The following CCNA1 variants were observed in gnomAD, a reference collection of about 807,000 sequenced individuals.
CCNA1 encodes the protein cyclin-A1.
A neutral mutation model predicts 54.1 loss-of-function variants in CCNA1; 23 were observed. That is an observed-to-expected ratio of 0.42 (90% CI 0.31 to 0.60). The LOEUF (loss-of-function observed/expected upper bound fraction) is 0.60. Ranked by LOEUF, CCNA1 falls within the 20% of genes least tolerant of loss-of-function variation. The pLI, the probability that CCNA1 is intolerant of heterozygous loss-of-function variation, is 0.14. For missense variants in CCNA1, 450 were observed against 556.7 expected (o/e 0.81, Z 1.93); for synonymous variants, 208 against 213.9 (o/e 0.97, Z 0.24).
Position 36,432,646 on chromosome 13 carries a change from A to G in CCNA1, c.25A>G (p.Met9Val), listed in dbSNP as rs746262330. The change falls in exon 1 of 9, where the codon ATG becomes GTG. Residue 9 changes from methionine (M) to valine (V), a missense_variant. Met to Val is a conservative substitution (Grantham distance 21). The change abolishes an upstream ATG in the 5' untranslated region. Coordinates refer to ENST00000255465, the MANE Select transcript of CCNA1 (RefSeq NM_003914.4). ...GATGGAGACCGGCTTTCCCGCAATC[A>G]TGTACCCTGGATCTTTTATTGGGGG... 35 of 1,606,128 alleles carry G rather than the reference A, an allele frequency of 2.2e-5. No individual in the cohort carries two copies. The highest frequency in any genetic ancestry group is 2.9e-5 in the Non-Finnish European group (34 of 1,176,680).
intron 2 of CCNA1, among the ~76,000 whole-genome samples, chr13:36,435,343 C>A (rs1038226289): frequency 2.6e-5 from 4 of 152,206 alleles, no homozygotes; most frequent in African/African-American, 4.8e-5. Context: ...GTGTCCATTA[C>A]TTTGAACAGA....
At chr13:36,433,425 T>TC (rs1491135867) in intron 2 of CCNA1, among the ~76,000 whole-genome samples, 6 of 126,800 alleles carry the variant, frequency 4.7e-5, no homozygotes, top group African/African-American at 1.7e-4. Flanking sequence ...TTTCTTTCTT[T>TC]CTTTCTTTCT....
intron 5 of CCNA1, among the ~76,000 whole-genome samples, chr13:36,439,163 A>G (rs1363511107): frequency 6.6e-6 from 1 of 152,130 alleles, no homozygotes; most frequent in African/African-American, 2.4e-5. Flanking sequence ...TCTTTTTGCT[A>G]TTTCCTATCT....
intron 2 of CCNA1, among the ~76,000 whole-genome samples, chr13:36,434,429 A>G (rs1396141528): frequency 6.6e-6 from 1 of 152,184 alleles, no homozygotes; most frequent in Non-Finnish European, 1.5e-5. Context: ...AATTGAGTGG[A>G]AGTGGTTTTA....
At chr13:36,436,054 G>T (rs7322636) in intron 2 of CCNA1, among the ~76,000 whole-genome samples, 8,292 of 152,104 alleles carry the variant, frequency 0.055, 717 homozygotes, top group African/African-American at 0.19. Flanking sequence ...TACTTCCCTG[G>T]TTCAAATCCC....
Position 36,438,863 on chromosome 13 carries a change from G to T in CCNA1, c.889G>T (p.Ala297Ser). Residue 297 changes from alanine (A) to serine (S), a missense_variant, in exon 5 of 9, where the codon GCT (alanine) becomes TCT (serine). Coordinates refer to ENST00000255465, the MANE Select transcript of CCNA1 (RefSeq NM_003914.4). ...CGTAGGAACAGCAGCTATGCTTTTG[G>T]CTTCGTAAGTGTTCTTTCAGCTTGC... The T allele has an allele frequency of 6.2e-7, 1 of 1,612,136 alleles. No individual in the cohort carries two copies. Among genetic ancestry groups the T allele is most frequent in the Non-Finnish European group, 8.5e-7 (1 of 1,178,268 alleles).
At chr13:36,438,382 G>A (rs187091225) in intron 4 of CCNA1, among the ~76,000 whole-genome samples, 191 bp downstream of exon 4, 19 of 152,046 alleles carry the variant, frequency 1.2e-4, no homozygotes, top group Admixed American at 1.0e-3. Flanking sequence ...TGATTCAAAG[G>A]GTTTATATGT....
At chr13:36,433,394 C>CTTTCTTTCTTTA (rs1566169449) in intron 2 of CCNA1, among the ~76,000 whole-genome samples, 173 bp downstream of exon 2, 4 of 92,188 alleles carry the variant, frequency 4.3e-5, no homozygotes, top group African/African-American at 1.9e-4. Context: ...TTCTTTCTTT[C>CTTTCTTTCTTTA]TTTCTTTCTT....
At chr13:36,433,349 AC>A (rs2055741264) in intron 2 of CCNA1, 128 bp downstream of exon 2, 3 of 454,820 alleles carry the variant, frequency 6.6e-6, no homozygotes, top group Non-Finnish European at 7.5e-6. Flanking sequence ...AATCTGGACT[AC>A]AGGAAAGTTG....
At chr13:36,440,241 C>G (rs1475440974) in intron 6 of CCNA1, 58 bp downstream of exon 6, 1 of 1,375,824 alleles carries the variant, frequency 7.3e-7, no homozygotes, top group Non-Finnish European at 1.0e-6. Context: ...AAAAATCAAC[C>G]TTTCCCAATC....
chr13:36,440,102 G>C lies in CCNA1; in HGVS notation c.1017G>C (p.Leu339=). 1 of 1,614,058 alleles carries C rather than the reference G, an allele frequency of 6.2e-7. No homozygotes were observed. Among genetic ancestry groups the C allele is most frequent in the Non-Finnish European group, 8.5e-7 (1 of 1,179,962 alleles). Residue 339 remains leucine, a synonymous_variant, in exon 6 of 9, where the codon CTG becomes CTC. Coordinates refer to ENST00000255465, the MANE Select transcript of CCNA1 (RefSeq NM_003914.4). The stretch of plus-strand genomic sequence containing the variant: ...TTCTGAAAGTTCTAGCTTTTGATCT[G>C]ACAGTACCAACCACCAACCAGTTTC...
intron 1 of CCNA1, 104 bp downstream of exon 1, chr13:36,432,833 A>G: frequency 2.0e-6 from 2 of 987,054 alleles, no homozygotes; most frequent in Non-Finnish European, 3.1e-6. Flanking sequence ...AGGGATTCAA[A>G]TAACTGTTTT....
chr13:36,434,352 G>A (rs760195114), intron 2 of CCNA1, among the ~76,000 whole-genome samples: 26 of 152,186 alleles, frequency 1.7e-4, no homozygotes, highest in Non-Finnish European at 3.4e-4. Flanking sequence ...GAAAGCTATG[G>A]TAGAAACTAG....
chr13:36,436,442 C>A (rs985981141), intron 2 of CCNA1, among the ~76,000 whole-genome samples: 2 of 152,124 alleles, frequency 1.3e-5, no homozygotes, highest in East Asian at 3.9e-4. Flanking sequence ...CAAGGTAGTT[C>A]TTTTTAAACA....
In CCNA1 at chr13:36,438,146, G is replaced by A. The variant is rs764957102; in HGVS notation, c.624G>A (p.Val208=). ...GTCTTGGCACAGATGTGATAAATGTGACTGAATATGCTGAAGAAATTTATC... is the reference window on the plus strand; with the variant it reads ...GTCTTGGCACAGATGTGATAAATGTAACTGAATATGCTGAAGAAATTTATC... Residue 208 remains valine, a synonymous_variant, in exon 4 of 9, where the codon GTG becomes GTA. Transcript: ENST00000255465. 4.3e-6 allele frequency: 7 copies of A among 1,613,690 alleles called. No homozygotes were observed. The South Asian group carries it at 4.4e-5, about 10-fold the overall frequency.
Position 36,442,165 on chromosome 13 carries a change from G to A in CCNA1, c.1213-6G>A, listed in dbSNP as rs781342675. The A allele has an allele frequency of 5.0e-6, 8 of 1,605,508 alleles. No homozygotes were observed. The South Asian group carries it at 6.7e-5, about 13-fold the overall frequency. ...TGAAGCAATTTTTTTCTTTTGTCTT[G>A]ATTAGCCAGAAACCCTTGCTGCATT... On this transcript the variant is annotated splice_region_variant and splice_polypyrimidine_tract_variant and intron_variant, in intron 7 of 8. Transcript: ENST00000255465.
chr13:36,440,366 A>G (rs144995398), intron 6 of CCNA1, among the ~76,000 whole-genome samples, 183 bp downstream of exon 6: 3 of 152,280 alleles, frequency 2.0e-5, no homozygotes, highest in African/African-American at 7.2e-5. Context: ...AGGCATTACT[A>G]TTGACTATAT....
rs1356208853 is a variant in CCNA1 at position 36,433,369 on chromosome 13, A to ATT, written c.297+151_297+152dup. On this transcript the variant is annotated intron_variant, in intron 2 of 8. Coordinates refer to ENST00000255465, the MANE Select transcript of CCNA1 (RefSeq NM_003914.4). ...GGACTACAGGAAAGTTGATTGATTTATTTTCTTTCTTTCTTTCTTTCTTTC... is the reference window on the plus strand; with the variant it reads ...GGACTACAGGAAAGTTGATTGATTTATTTTTTCTTTCTTTCTTTCTTTCTTTC... 157 of 339,618 alleles carry ATT rather than the reference A, an allele frequency of 4.6e-4. 10 individuals are homozygous for ATT. Among genetic ancestry groups the ATT allele is most frequent in the African/African-American group, 3.2e-3 (120 of 37,866 alleles). 21.0% of individuals were successfully genotyped at this position (339,618 alleles called of 1,614,324 possible).
intron 2 of CCNA1, among the ~76,000 whole-genome samples, chr13:36,433,496 T>C (rs1421357272): frequency 6.7e-6 from 1 of 150,074 alleles, no homozygotes; most frequent in Non-Finnish European, 1.5e-5. Flanking sequence ...TTTTTCTTTG[T>C]TTCTCTTCCT....
Sources: gnomAD v4.1 joint callset for allele counts (sites outside exome capture counted in the v4.1 genomes callset) on GRCh38, gnomAD v4.1.1 for gene constraint, MANE v1.5 for transcripts, NCBI Gene and HGNC (gene_info 2026-07-23, HGNC 2026-07-21) for gene names.